The following TOX2 variants were observed in gnomAD, a reference collection of about 807,000 sequenced individuals.
TOX2 encodes the protein TOX high mobility group box family member 2.
A neutral mutation model predicts 47.4 loss-of-function variants in TOX2; 15 were observed. The observed-to-expected ratio is 0.32, with a 90% CI of 0.21 to 0.49. The LOEUF is 0.49. Ranked by LOEUF, TOX2 falls within the 20% of genes least tolerant of loss-of-function variation. The pLI is 0.99. For missense variants in TOX2, 622 were observed against 673.1 expected (o/e 0.92, Z 0.84); for synonymous variants, 290 against 296.6 (o/e 0.98, Z 0.23).
At chr20:43,953,914 G>A (rs2069624032) in intron 1 of TOX2, among the ~76,000 whole-genome samples, 1 of 152,138 alleles carries the variant, frequency 6.6e-6, no homozygotes, top group African/African-American at 2.4e-5. Flanking sequence ...AGACACTCCT[G>A]AGCTATGCTT....
At chr20:43,984,757 G>C (rs149986029) in intron 2 of TOX2, among the ~76,000 whole-genome samples, 1 of 152,196 alleles carries the variant, frequency 6.6e-6, no homozygotes, top group Non-Finnish European at 1.5e-5. Context: ...TATTATGAGA[G>C]AAATTGAATC....
At chr20:44,013,836 G>A (rs1233900444) in intron 3 of TOX2, among the ~76,000 whole-genome samples, 4 of 152,064 alleles carry the variant, frequency 2.6e-5, no homozygotes, top group African/African-American at 9.7e-5. Flanking sequence ...CGTGATGAGA[G>A]GTGTATGTCT....
intron 3 of TOX2, among the ~76,000 whole-genome samples, chr20:44,030,273 C>T (rs1200871693): frequency 6.6e-6 from 1 of 152,198 alleles, no homozygotes; most frequent in African/African-American, 2.4e-5. Flanking sequence ...GTCCCCAATC[C>T]TAAGTCTCTC....
chr20:44,041,035 G>A (rs563113042), intron 3 of TOX2, among the ~76,000 whole-genome samples: 1 of 152,328 alleles, frequency 6.6e-6, no homozygotes, highest in East Asian at 1.9e-4. Flanking sequence ...TGTTTACTGA[G>A]GGAGGGGCTG....
chr20:43,992,884 C>T (rs2070394993), intron 2 of TOX2, among the ~76,000 whole-genome samples: 1 of 148,830 alleles, frequency 6.7e-6, no homozygotes, highest in African/African-American at 2.5e-5. Context: ...TGGTGGAGGG[C>T]CAGATTTGGT....
chr20:44,002,270 C>T (rs1006629499), intron 2 of TOX2, among the ~76,000 whole-genome samples: 4 of 152,190 alleles, frequency 2.6e-5, no homozygotes, highest in African/African-American at 7.2e-5. Flanking sequence ...TTCATGACCA[C>T]CTGCAACCAT....
chr20:43,984,045 C>G (rs2070218109), intron 2 of TOX2, among the ~76,000 whole-genome samples: 1 of 152,132 alleles, frequency 6.6e-6, no homozygotes, highest in Non-Finnish European at 1.5e-5. Context: ...TAATTAAAAC[C>G]TGGGTGAAGA....
chr20:43,934,598 G>T (rs191583890), intron 1 of TOX2, among the ~76,000 whole-genome samples: 216 of 152,212 alleles, frequency 1.4e-3, no homozygotes, highest in African/African-American at 4.9e-3. Flanking sequence ...GCAGAGGCTC[G>T]TGTAGAGGGG....
chr20:44,052,556 G>A (rs1011309817), intron 4 of TOX2, among the ~76,000 whole-genome samples: 1 of 152,178 alleles, frequency 6.6e-6, no homozygotes, highest in African/African-American at 2.4e-5. Flanking sequence ...TCATCCTAAG[G>A]ATGACTCGAC....
rs542635212 is a variant in TOX2, at chr20:44,065,914, C to T, written c.1163C>T (p.Ala388Val). 18 of 1,610,040 alleles carry T rather than the reference C, an allele frequency of 1.1e-5. No homozygotes were observed. The African/African-American group carries it at 1.3e-4, about 12-fold the overall frequency. ...AAGTCTCTGCTGCCAGGCCTCAGTG[C>T]GTCCCCGCCGCCGCCACCCTCCTTC... ...GSKSLLPGLSASPPPPPSFPL... is the reference protein window; with the variant it reads ...GSKSLLPGLSVSPPPPPSFPL... The change falls in exon 7 of 9, where the codon GCG becomes GTG. Residue 388 changes from alanine (A) to valine (V), a missense_variant. Ala to Val is a moderately conservative substitution (Grantham distance 64). Around this residue, in one of 3 missense-constraint regions of TOX2, gnomAD observed 294 missense variants for 300.0 expected, o/e 0.98. Coordinates refer to ENST00000341197, the MANE Select transcript of TOX2 (RefSeq NM_001098797.2).
intron 1 of TOX2, among the ~76,000 whole-genome samples, chr20:43,958,220 C>A (rs2069699103): frequency 1.3e-5 from 2 of 152,186 alleles, no homozygotes; most frequent in African/African-American, 4.8e-5. Flanking sequence ...TACTGCCACA[C>A]TGCTTTAATT....
intron 5 of TOX2, among the ~76,000 whole-genome samples, chr20:44,064,523 G>A (rs915980373): frequency 3.3e-5 from 5 of 152,210 alleles, no homozygotes; most frequent in Non-Finnish European, 7.3e-5. Flanking sequence ...GATAGAACCT[G>A]GAGGCCCAGA....
At chr20:44,039,941 G>A (rs1453903682) in intron 3 of TOX2, among the ~76,000 whole-genome samples, 2 of 152,208 alleles carry the variant, frequency 1.3e-5, no homozygotes, top group African/African-American at 4.8e-5. Flanking sequence ...GGACCCCCGA[G>A]GTGGGCCGAG....
chr20:44,039,254 A>G (rs1323082234), intron 3 of TOX2: 1 of 1,289,486 alleles, frequency 7.8e-7, no homozygotes, highest in Non-Finnish European at 1.0e-6. Flanking sequence ...AGGATGACAC[A>G]GAGGGCAGGT....
intron 1 of TOX2, among the ~76,000 whole-genome samples, chr20:43,953,222 A>C (rs1196923245): frequency 2.6e-5 from 2 of 75,864 alleles, no homozygotes; most frequent in East Asian, 7.6e-4. Context: ...GCTTTCCAGA[A>C]CTGTAAGAGA....
intron 1 of TOX2, among the ~76,000 whole-genome samples, chr20:43,919,967 T>C (rs374074162): frequency 2.0e-5 from 3 of 152,232 alleles, no homozygotes; most frequent in Admixed American, 1.3e-4. Context: ...TCTGGCGAGA[T>C]TGTAAAAACA....
intron 2 of TOX2, among the ~76,000 whole-genome samples, chr20:43,985,456 A>G (rs2145522015): frequency 6.6e-6 from 1 of 152,332 alleles, no homozygotes; most frequent in Non-Finnish European, 1.5e-5. Context: ...CTGGGCTCAA[A>G]TGATAATCTT....
chr20:43,964,268 C>G (rs1378594949), intron 1 of TOX2, among the ~76,000 whole-genome samples: 1 of 152,138 alleles, frequency 6.6e-6, no homozygotes, highest in African/African-American at 2.4e-5. Flanking sequence ...CTTCCCAGGC[C>G]GTGCTCTATT....
intron 8 of TOX2, among the ~76,000 whole-genome samples, chr20:44,067,962 C>A (rs981786233): frequency 1.3e-5 from 2 of 152,194 alleles, no homozygotes; most frequent in African/African-American, 4.8e-5. Flanking sequence ...GCCCTAGCCT[C>A]GGCCTCCCAG....
Sources: gnomAD v4.1 joint callset for allele counts (sites outside exome capture counted in the v4.1 genomes callset) on GRCh38, gnomAD v4.1.1 for gene constraint, gnomAD v4.1.1 regional missense constraint, MANE v1.5 for transcripts, NCBI Gene and HGNC (gene_info 2026-07-23, HGNC 2026-07-21) for gene names.